CEP85: variants seen among roughly 807,000 people sequenced by gnomAD.
CEP85 encodes centrosomal protein of 85 kDa.
In CEP85, 58 loss-of-function variants were observed where a neutral mutation model predicts 93.7. The observed-to-expected ratio is 0.62, with a 90% CI of 0.50 to 0.77. The LOEUF (loss-of-function observed/expected upper bound fraction) is 0.77. CEP85 is among the 30% of genes least tolerant of loss of function. CEP85 has a pLI of 0.00. For missense variants in CEP85, 868 were observed against 922.0 expected, an observed-to-expected ratio of 0.94 and a Z score of 0.76; for synonymous variants, 314 against 338.6, an observed-to-expected ratio of 0.93 and a Z score of 0.80.
intron 1 of CEP85, among the ~76,000 whole-genome samples, chr1:26,237,273 C>T (rs2089340882): frequency 6.6e-6 from 1 of 151,988 alleles, no homozygotes; most frequent in South Asian, 2.1e-4. Flanking sequence ...AATATATTGG[C>T]AAGGTTGTGC....
intron 3 of CEP85, among the ~76,000 whole-genome samples, chr1:26,250,925 CTTTTTTCTTTTTTT>C (rs1267543703): frequency 1.6e-4 from 9 of 55,160 alleles, no homozygotes; most frequent in South Asian, 5.2e-4. Context: ...TTTTTTTTTT[CTTTTTTCTTTTTTT>C]TTTTTTTTTT....
intron 8 of CEP85, among the ~76,000 whole-genome samples, chr1:26,269,031 G>A (rs1005148600): frequency 6.6e-6 from 1 of 152,030 alleles, no homozygotes; most frequent in Admixed American, 6.6e-5. Context: ...GACTCATCCC[G>A]GTCACCTGCT....
At chr1:26,247,282 A>G (rs1281850641) in intron 3 of CEP85, among the ~76,000 whole-genome samples, 1 of 152,198 alleles carries the variant, frequency 6.6e-6, no homozygotes, top group Middle Eastern at 3.2e-3. Context: ...AATTGATTGT[A>G]GTGATTATGC....
In CEP85 at chr1:26,278,018, C is replaced by T. The variant is rs1428367212; in HGVS notation, c.*725C>T. 1 of 152,640 alleles carries T rather than the reference C, an allele frequency of 6.6e-6. No homozygotes were observed. Among genetic ancestry groups the T allele is most frequent in the Non-Finnish European group, 1.5e-5 (1 of 68,060 alleles). 9.5% of individuals were successfully genotyped at this position (152,640 alleles called of 1,614,324 possible). On this transcript the variant is annotated 3_prime_UTR_variant, in exon 14 of 14. Transcript: ENST00000451429. ...CTAAACTTTCTCCTTTGTTCTCAGG[C>T]CTTCCAGGTAGTCCCCTTCCTGGAC...
chr1:26,276,328 C>T (rs145964891), intron 12 of CEP85, among the ~76,000 whole-genome samples: 256 of 152,276 alleles, frequency 1.7e-3, no homozygotes, highest in African/African-American at 6.0e-3. Context: ...AGTGCTAGAG[C>T]CCTGTGGGCC....
chr1:26,239,798 G>C lies in CEP85; in HGVS notation c.15G>C (p.Glu5Asp), dbSNP rs185330198. 2.0e-5 allele frequency: 32 copies of C among 1,613,764 alleles called. No individual in the cohort carries two copies. The Admixed American group carries it at 5.2e-4, about 26-fold the overall frequency. MAMQ[E>D]KYPTEGISHV... ...AACTGTGATTGATGGCCATGCAGGA[G>C]AAATATCCAACTGAGGGGATCTCTC... Residue 5 changes from glutamate to aspartate, a missense_variant, in exon 2 of 14, where the codon GAG becomes GAC. Physicochemically the swap from Glu to Asp is conservative, Grantham distance 45. Coordinates refer to ENST00000451429, the MANE Select transcript of CEP85 (RefSeq NM_001319944.2).
rs150168937 is a variant in CEP85 at position 26,272,024 on chromosome 1, G to A, written c.1747G>A (p.Val583Met). 48 of 1,613,986 alleles carry A rather than the reference G, an allele frequency of 3.0e-5. No individual in the cohort carries two copies. The highest frequency in any genetic ancestry group is 2.5e-6 in the Non-Finnish European group (3 of 1,179,998). Reference protein sequence around the residue: ...QKRYDSLQKIVEKQQQKMDQL... With the variant: ...QKRYDSLQKIMEKQQQKMDQL... ...CCTTGATAACTTTGCCTTTCAGATT[G>A]TGGAGAAGCAGCAGCAGAAGATGGA... The change falls in exon 11 of 14, where the codon GTG (valine) becomes ATG (methionine). Residue 583 changes from valine (V) to methionine (M), a missense_variant. Val to Met is a conservative substitution (Grantham distance 21, BLOSUM62 1). Transcript: ENST00000451429.
chr1:26,258,220 G>T lies in CEP85; in HGVS notation c.1115G>T (p.Arg372Leu). The T allele has an allele frequency of 1.2e-6, 2 of 1,613,924 alleles. No homozygotes were observed. Among genetic ancestry groups the T allele is most frequent in the Non-Finnish European group, 1.7e-6 (2 of 1,179,852 alleles). The change falls in exon 6 of 14, where the codon CGC becomes CTC. Residue 372 changes from arginine (R) to leucine (L), a missense_variant. Arg to Leu is a moderately radical substitution (Grantham distance 102, BLOSUM62 -2). Transcript: ENST00000451429. ...CAAGTCCACAGTGCCCTCTTGGGCC[G>T]CCCTGCCCCCTTTGGTGATGTCTGC... ...ELQVHSALLG[R>L]PAPFGDVCLL...
At chr1:26,258,060 G>A (rs777047299) in intron 5 of CEP85, 83 bp from the exon 6 acceptor site, 52 of 886,494 alleles carry the variant, frequency 5.9e-5, no homozygotes, top group Admixed American at 2.0e-4. Context: ...TCTTGCTTAC[G>A]TAATAGGGAT....
chr1:26,250,941 T>TTTTTTTTTTTTTTTTTTTC (rs2089602025), intron 3 of CEP85, among the ~76,000 whole-genome samples: 1 of 111,096 alleles, frequency 9.0e-6, no homozygotes, highest in Non-Finnish European at 1.8e-5. Flanking sequence ...TCTTTTTTTT[T>TTTTTTTTTTTTTTTTTTTC]TTTTTTTTTT....
intron 7 of CEP85, chr1:26,263,248 T>C: frequency 3.1e-6 from 1 of 326,360 alleles, no homozygotes; most frequent in Non-Finnish European, 5.9e-6. Flanking sequence ...TTGACGAAGA[T>C]CTTATAAGGA....
intron 12 of CEP85, among the ~76,000 whole-genome samples, 175 bp downstream of exon 12, chr1:26,275,246 G>A (rs1404546911): frequency 6.6e-6 from 1 of 151,268 alleles, no homozygotes; most frequent in African/African-American, 2.4e-5. Flanking sequence ...CAGACCCTAA[G>A]CCTGTTTTAG....
At chr1:26,256,562 T>C (rs968557771) in intron 4 of CEP85, among the ~76,000 whole-genome samples, 1 of 151,616 alleles carries the variant, frequency 6.6e-6, no homozygotes, top group African/African-American at 2.4e-5. Context: ...GAAAACCTTC[T>C]TTGAGCCCCT....
chr1:26,234,847 C>T (rs965173418), intron 1 of CEP85, among the ~76,000 whole-genome samples: 2 of 152,156 alleles, frequency 1.3e-5, no homozygotes, highest in African/African-American at 4.8e-5. Flanking sequence ...TACTTCTCGG[C>T]CGGGGCGATT....
intron 7 of CEP85, among the ~76,000 whole-genome samples, chr1:26,260,993 G>A (rs1039384504): frequency 1.1e-4 from 16 of 151,370 alleles, no homozygotes; most frequent in African/African-American, 3.9e-4. Context: ...GTTTCACCAT[G>A]TTGGCCAGGC....
rs1570038378 is a variant in CEP85, at chr1:26,269,613, A to G, written c.1648A>G (p.Ser550Gly). ...REAEFSSAGH[S>G]LQDKQSVEET... ...AGCAGAATTCTCCTCCGCTGGACAT[A>G]GGTAAATAACCCTGTGGGACTGAGA... The change falls in exon 9 of 14, where the codon AGC becomes GGC. Residue 550 changes from serine to glycine, a missense_variant and splice_region_variant. Coordinates refer to ENST00000451429, the MANE Select transcript of CEP85 (RefSeq NM_001319944.2). 1.2e-6 allele frequency: 2 copies of G among 1,612,690 alleles called. No individual in the cohort carries two copies. The highest frequency in any genetic ancestry group is 1.7e-5 in the Admixed American group (1 of 59,812).
chr1:26,264,926 C>T (rs1327283309), intron 7 of CEP85, among the ~76,000 whole-genome samples: 1 of 151,110 alleles, frequency 6.6e-6, no homozygotes, highest in African/African-American at 2.4e-5. Flanking sequence ...TATTCTCTCT[C>T]ATGCCTCAGC....
chr1:26,250,938 T>C (rs12411266), intron 3 of CEP85, among the ~76,000 whole-genome samples: 378 of 24,936 alleles, frequency 0.015, 134 homozygotes, highest in Middle Eastern at 0.033. Flanking sequence ...TTTTCTTTTT[T>C]TTTTTTTTTT....
At chr1:26,272,198 C>G in intron 11 of CEP85, 127 bp downstream of exon 11, 1 of 878,156 alleles carries the variant, frequency 1.1e-6, no homozygotes, top group Non-Finnish European at 1.8e-6. Flanking sequence ...AGAATGAGAC[C>G]CAGTCAGTGC....
Sources: allele counts gnomAD v4.1 joint callset (sites outside exome capture counted in the v4.1 genomes callset), GRCh38; gene constraint gnomAD v4.1.1; transcripts MANE v1.5; gene names NCBI Gene and HGNC (gene_info 2026-07-23, HGNC 2026-07-21).